Variants in TMIGD3 observed in about 807,000 individuals in gnomAD.
TMIGD3 encodes transmembrane and immunoglobulin domain containing 3.
In TMIGD3, 21 loss-of-function variants were observed where a neutral mutation model predicts 28.1. The observed-to-expected ratio is 0.75, with a 90% CI of 0.53 to 1.08. The LOEUF is 1.08. TMIGD3 is among the 50% of genes least tolerant of loss of function. The pLI, the probability that TMIGD3 is intolerant of heterozygous loss-of-function variation, is 0.00. For synonymous variants in TMIGD3, 151 were observed against 162.1 expected, an observed-to-expected ratio of 0.93 and a Z score of 0.52; for missense variants, 416 against 435.6, an observed-to-expected ratio of 0.96 and a Z score of 0.40.
chr1:111,517,816 T>G (rs1655917346), intron 1 of TMIGD3, among the ~76,000 whole-genome samples: 1 of 152,180 alleles, frequency 6.6e-6, no homozygotes, highest in African/African-American at 2.4e-5. Flanking sequence ...CTATTTCTGT[T>G]TGGTGTGTTC....
intron 1 of TMIGD3, chr1:111,500,547 C>A: frequency 6.2e-7 from 1 of 1,613,654 alleles, no homozygotes; most frequent in Admixed American, 1.7e-5. Context: ...GAGTGGTGAC[C>A]CTCTTGTATC....
Position 111,529,864 on chromosome 1 carries a change from G to A in TMIGD3, c.107+33982C>T, listed in dbSNP as rs370955543. 8.4e-3 allele frequency among the ~76,000 whole-genome samples: 1,280 copies of A among 151,708 alleles called. 15 individuals carry two copies. Among genetic ancestry groups the A allele is most frequent in the South Asian group, 0.051 (245 of 4,780 alleles). On this transcript the variant is annotated intron_variant, in intron 1 of 5. Transcript: ENST00000369717. ...AAAACCGCCATTGTCATCATGGCCCGTTCTCAATGAGCTGTTGGGTACACC... is the reference window on the plus strand; with the variant it reads ...AAAACCGCCATTGTCATCATGGCCCATTCTCAATGAGCTGTTGGGTACACC...
intron 1 of TMIGD3, among the ~76,000 whole-genome samples, chr1:111,555,064 C>T (rs1395184365): frequency 6.6e-6 from 1 of 151,876 alleles, no homozygotes; most frequent in African/African-American, 2.4e-5. Context: ...GAAAAAGAGG[C>T]TATCAAAAAT....
intron 1 of TMIGD3, among the ~76,000 whole-genome samples, chr1:111,502,802 G>C (rs1161389485): frequency 1.3e-5 from 2 of 151,986 alleles, no homozygotes; most frequent in African/African-American, 2.4e-5. Flanking sequence ...AAGGATTGGA[G>C]CATTCCTCTG....
rs1654616084 is a variant in TMIGD3, at chr1:111,490,684, G to A, written c.429C>T (p.Phe143=). Residue 143 remains phenylalanine (F), a synonymous_variant, in exon 2 of 6, where the codon TTC becomes TTT. Coordinates refer to ENST00000369716, the MANE Select transcript of TMIGD3 (RefSeq NM_020683.7). ...AAATGAGAGCCAAGGAGAGTAGAATGAAGAGCCACATGACTGGAAGGAAGC... is the reference window on the plus strand; with the variant it reads ...AAATGAGAGCCAAGGAGAGTAGAATAAAGAGCCACATGACTGGAAGGAAGC... ...KVCFLPVMWL[F]ILLSLALISD... 6.2e-7 allele frequency: 1 copy of A among 1,613,920 alleles called. No homozygotes were observed. Among genetic ancestry groups the A allele is most frequent in the Admixed American group, 1.7e-5 (1 of 60,028 alleles).
In TMIGD3 at chr1:111,500,247, T is replaced by C. The variant is rs749192276; in HGVS notation, c.350+2758A>G. 2.5e-6 allele frequency: 4 copies of C among 1,614,150 alleles called. No homozygotes were observed. The East Asian group carries it at 8.9e-5, about 36-fold the overall frequency. ...CCGTCTTGAACTCCCGTCCATAAAA[T>C]GCACCTGTCTCTTTGGAGTTAGATA... On this transcript the variant is annotated intron_variant, in intron 1 of 5. Transcript: ENST00000369716.
At chr1:111,496,672 C>A (rs1039823059) in intron 1 of TMIGD3, among the ~76,000 whole-genome samples, 18 of 152,282 alleles carry the variant, frequency 1.2e-4, no homozygotes, top group African/African-American at 4.3e-4. Context: ...CTGGTGCTGC[C>A]CAATTCATGA....
chr1:111,534,648 C>T (rs544330526), intron 1 of TMIGD3, among the ~76,000 whole-genome samples: 17 of 152,258 alleles, frequency 1.1e-4, no homozygotes, highest in African/African-American at 4.1e-4. Context: ...ACTGATCCCT[C>T]AGGGAAGGTC....
chr1:111,504,280 C>T (rs942578895), upstream of TMIGD3, among the ~76,000 whole-genome samples: 26 of 152,190 alleles, frequency 1.7e-4, no homozygotes, highest in African/African-American at 6.3e-4. Context: ...CAATGTCCAA[C>T]CTATGTGAGG....
chr1:111,540,343 C>T (rs1250380515), intron 1 of TMIGD3, among the ~76,000 whole-genome samples: 1 of 152,242 alleles, frequency 6.6e-6, no homozygotes, highest in Non-Finnish European at 1.5e-5. Flanking sequence ...TTATCTGCTG[C>T]TTCATCTCCT....
intron 1 of TMIGD3, among the ~76,000 whole-genome samples, chr1:111,549,153 C>A (rs1185221773): frequency 1.3e-5 from 2 of 151,968 alleles, no homozygotes; most frequent in Admixed American, 1.3e-4. Flanking sequence ...TCCCTGTTGT[C>A]TTTGTCTGGT....
At chr1:111,560,322 A>G (rs1045211136) in intron 1 of TMIGD3, among the ~76,000 whole-genome samples, 1 of 151,922 alleles carries the variant, frequency 6.6e-6, no homozygotes, top group African/African-American at 2.4e-5. Context: ...GGGCAGAGGT[A>G]GATGGTCCTG....
chr1:111,484,910 G>A (rs564642488), intron 5 of TMIGD3, among the ~76,000 whole-genome samples: 1 of 152,338 alleles, frequency 6.6e-6, no homozygotes, highest in African/African-American at 2.4e-5. Context: ...ACTGTGCAAT[G>A]TTCTTTCTGC....
intron 1 of TMIGD3, among the ~76,000 whole-genome samples, chr1:111,493,802 C>A (rs907591944): frequency 6.6e-6 from 1 of 152,202 alleles, no homozygotes; most frequent in Non-Finnish European, 1.5e-5. Context: ...GGGAGGAAAA[C>A]AAACATTGTG....
At chr1:111,522,348 G>A (rs1259531559) in intron 1 of TMIGD3, among the ~76,000 whole-genome samples, 4 of 152,140 alleles carry the variant, frequency 2.6e-5, no homozygotes, top group Admixed American at 2.6e-4. Context: ...AATCAGTTTA[G>A]GAGAGAATTG....
intron 3 of TMIGD3, among the ~76,000 whole-genome samples, 191 bp from the exon 4 acceptor site, chr1:111,486,843 G>T (rs1053591341): frequency 7.9e-5 from 12 of 152,200 alleles, no homozygotes; most frequent in Non-Finnish European, 1.6e-4. Flanking sequence ...GAGGGGACAA[G>T]CAGGGGCCGA....
chr1:111,484,579 G>T (rs1654269899), intron 5 of TMIGD3, among the ~76,000 whole-genome samples: 2 of 152,186 alleles, frequency 1.3e-5, no homozygotes, highest in Non-Finnish European at 2.9e-5. Context: ...CAAGAATGCT[G>T]TGGGAGCCAC....
intron 1 of TMIGD3, among the ~76,000 whole-genome samples, chr1:111,559,706 C>T (rs74112342): frequency 0.081 from 12,311 of 152,196 alleles, 1,178 homozygotes; most frequent in African/African-American, 0.23. Flanking sequence ...TTTGCTATCA[C>T]TGCCTTCCTG....
At chr1:111,527,532 C>T (rs1204363207) in intron 1 of TMIGD3, among the ~76,000 whole-genome samples, 2 of 152,160 alleles carry the variant, frequency 1.3e-5, no homozygotes, top group Non-Finnish European at 2.9e-5. Context: ...CCCCTAGGAA[C>T]ATGATTGCTT....
Sources: gnomAD v4.1 joint callset for allele counts (sites outside exome capture counted in the v4.1 genomes callset) on GRCh38, gnomAD v4.1.1 for gene constraint, MANE v1.5 for transcripts, NCBI Gene and HGNC (gene_info 2026-07-23, HGNC 2026-07-21) for gene names.